Variants in RPTOR observed in about 807,000 individuals in gnomAD.
RPTOR encodes regulatory-associated protein of mTOR.
RPTOR carries 21 observed loss-of-function variants against 169.9 expected under a neutral mutation model. That is an observed-to-expected ratio of 0.12 (90% CI 0.09 to 0.18). RPTOR has a LOEUF of 0.18. Ranked by LOEUF, RPTOR falls within the 10% of genes least tolerant of loss-of-function variation. RPTOR has a pLI of 1.00. For missense variants in RPTOR, 1,133 were observed against 1,855.9 expected, an observed-to-expected ratio of 0.61 and a Z score of 7.16; for synonymous variants, 732 against 753.2, an observed-to-expected ratio of 0.97 and a Z score of 0.46.
chr17:80,688,432 G>A (rs1011819357), intron 3 of RPTOR, among the ~76,000 whole-genome samples: 3 of 152,212 alleles, frequency 2.0e-5, no homozygotes, highest in Admixed American at 1.3e-4. Context: ...GGTTTATCAA[G>A]AAGTCTGAAG....
In RPTOR at chr17:80,858,690, C is replaced by T. The variant is rs577825332; in HGVS notation, c.1509+790C>T. Among the ~76,000 whole-genome samples the T allele has an allele frequency of 1.6e-4, 25 of 152,070 alleles. No individual in the cohort carries two copies. The South Asian group carries it at 4.2e-3, about 25-fold the overall frequency. ...GACCCGGCCTATGCTGAACTGGAAA[C>T]GCCAGGAAGGGCCTTGAGGGGGTGG... On this transcript the variant is annotated intron_variant, in intron 13 of 33. Transcript: ENST00000306801.
chr17:80,920,819 G>A (rs532527651), intron 21 of RPTOR, among the ~76,000 whole-genome samples: 130 of 152,356 alleles, frequency 8.5e-4, no homozygotes, highest in Non-Finnish European at 1.6e-3. Context: ...ATTTTGAGAA[G>A]GCACATATAA....
At chr17:80,885,968 C>T (rs186614561) in intron 17 of RPTOR, among the ~76,000 whole-genome samples, 1 of 152,370 alleles carries the variant, frequency 6.6e-6, no homozygotes, top group East Asian at 1.9e-4. Flanking sequence ...TTTAGGAAGA[C>T]ACTGGTTTCC....
At chr17:80,742,532 G>A (rs377290369) in intron 5 of RPTOR, among the ~76,000 whole-genome samples, 263 of 151,566 alleles carry the variant, frequency 1.7e-3, no homozygotes, top group African/African-American at 5.8e-3. Context: ...ATGCACACAT[G>A]TACACGTATA....
chr17:80,833,469 A>G (rs1194088246), intron 9 of RPTOR, among the ~76,000 whole-genome samples: 1 of 151,858 alleles, frequency 6.6e-6, no homozygotes, highest in Non-Finnish European at 1.5e-5. Flanking sequence ...GTCCCCTCCC[A>G]CCTTCTGCTG....
In RPTOR at chr17:80,917,664, G is replaced by A. The variant is rs1470676487; in HGVS notation, c.2521-5060G>A. On this transcript the variant is annotated intron_variant, in intron 21 of 33. Coordinates refer to ENST00000306801, the MANE Select transcript of RPTOR (RefSeq NM_020761.3). The stretch of plus-strand genomic sequence containing the variant: ...AATTTCTCTTCCAGTGATCTCAGCC[G>A]ATCTGCATATAGATATTCTGATTTC... Among the ~76,000 whole-genome samples, 6 of 152,186 alleles carry A rather than the reference G, an allele frequency of 3.9e-5. No homozygotes were observed. The East Asian group carries it at 7.7e-4, about 20-fold the overall frequency.
chr17:80,666,165 A>G (rs1184335311), intron 3 of RPTOR, among the ~76,000 whole-genome samples: 1 of 152,108 alleles, frequency 6.6e-6, no homozygotes, highest in African/African-American at 2.4e-5. Flanking sequence ...CTCTTCTCCA[A>G]AGTTGGTTTG....
chr17:80,916,810 G>C, intron 21 of RPTOR, among the ~76,000 whole-genome samples: 1 of 152,122 alleles, frequency 6.6e-6, no homozygotes, highest in Non-Finnish European at 1.5e-5. Flanking sequence ...GACCAGCCTG[G>C]CTAAGAGTCT....
At chr17:80,585,940 C>G (rs1251048661) in intron 1 of RPTOR, among the ~76,000 whole-genome samples, 1 of 151,836 alleles carries the variant, frequency 6.6e-6, no homozygotes, top group Admixed American at 6.6e-5. Flanking sequence ...ACTCTCTGTT[C>G]AGAATTCCTC....
intron 24 of RPTOR, among the ~76,000 whole-genome samples, chr17:80,931,607 C>A (rs2068898325): frequency 6.6e-6 from 1 of 151,726 alleles, no homozygotes; most frequent in Non-Finnish European, 1.5e-5. Context: ...AGACAGCAAA[C>A]CCTGTCGCCC....
At chr17:80,569,502 G>A (rs901945164) in intron 1 of RPTOR, among the ~76,000 whole-genome samples, 1 of 151,330 alleles carries the variant, frequency 6.6e-6, no homozygotes, top group Non-Finnish European at 1.5e-5. Flanking sequence ...TCCAGCCTGG[G>A]CAACAGAGCG....
chr17:80,716,479 G>A (rs2066240468), intron 4 of RPTOR, among the ~76,000 whole-genome samples: 1 of 152,218 alleles, frequency 6.6e-6, no homozygotes, highest in South Asian at 2.1e-4. Flanking sequence ...TCTTTTGTCA[G>A]TTGTGTAGAT....
chr17:80,561,251 G>GTATA (rs1488660271), intron 1 of RPTOR, among the ~76,000 whole-genome samples: 1 of 4,204 alleles, frequency 2.4e-4, no homozygotes, highest in African/African-American at 3.2e-4. Flanking sequence ...ATATATATAT[G>GTATA]TATATATATA....
chr17:80,596,654 T>C (rs2065146657), intron 1 of RPTOR, among the ~76,000 whole-genome samples: 2 of 152,244 alleles, frequency 1.3e-5, no homozygotes, highest in African/African-American at 2.4e-5. Flanking sequence ...AACCCCTGTT[T>C]AGAAAGCATT....
chr17:80,564,397 G>A (rs934584816), intron 1 of RPTOR, among the ~76,000 whole-genome samples: 1 of 152,118 alleles, frequency 6.6e-6, no homozygotes, highest in Non-Finnish European at 1.5e-5. Context: ...ATTCCTAGGG[G>A]TGGAATTGCT....
chr17:80,781,387 G>A (rs983085950), intron 6 of RPTOR, among the ~76,000 whole-genome samples: 6 of 152,128 alleles, frequency 3.9e-5, no homozygotes, highest in Non-Finnish European at 7.4e-5. Flanking sequence ...CTTCCTCCCC[G>A]TGGCCGCCCT....
chr17:80,597,283 T>C (rs1271578126), intron 1 of RPTOR, among the ~76,000 whole-genome samples: 1 of 151,900 alleles, frequency 6.6e-6, no homozygotes, highest in Non-Finnish European at 1.5e-5. Flanking sequence ...AATGCGGAGT[T>C]TAGGGAGGGT....
In RPTOR at chr17:80,726,471, A is replaced by G. The variant is rs567570969; in HGVS notation, c.508-4089A>G. Among the ~76,000 whole-genome samples, 99 of 105,594 alleles carry G rather than the reference A, an allele frequency of 9.4e-4. No homozygotes were observed. The highest frequency in any genetic ancestry group is 1.8e-3 in the Non-Finnish European group (81 of 46,110). 69.3% of individuals were successfully genotyped at this position (105,594 alleles called of 152,430 possible). On this transcript the variant is annotated intron_variant, in intron 4 of 33. Coordinates refer to ENST00000306801, the MANE Select transcript of RPTOR (RefSeq NM_020761.3). The surrounding 1 kb of genome is among the most constrained non-coding windows in gnomAD (Gnocchi z 4.5). ...ATCATCTTCCTGAACTTTGCATCTCAGAATTTAAAATGGAGATTTTGATTT... is the reference window on the plus strand; with the variant it reads ...ATCATCTTCCTGAACTTTGCATCTCGGAATTTAAAATGGAGATTTTGATTT...
At chr17:80,813,072 T>C (rs1734174935) in intron 7 of RPTOR, among the ~76,000 whole-genome samples, 1 of 152,216 alleles carries the variant, frequency 6.6e-6, no homozygotes, top group Admixed American at 6.5e-5. Context: ...TACCTTTAAG[T>C]TGCAAACTAT....
Sources: allele counts gnomAD v4.1 joint callset (sites outside exome capture counted in the v4.1 genomes callset), GRCh38; gene constraint gnomAD v4.1.1; non-coding constraint Gnocchi (gnomAD v3.1); transcripts MANE v1.5; gene names NCBI Gene and HGNC (gene_info 2026-07-23, HGNC 2026-07-21).